Variants in TOP3A observed in about 807,000 individuals in gnomAD.
The protein encoded by TOP3A is DNA topoisomerase 3-alpha.
A neutral mutation model predicts 111.3 loss-of-function variants in TOP3A; 64 were observed. The ratio of observed to expected loss-of-function variants is 0.57; its 90% CI spans 0.47 to 0.71. The LOEUF (loss-of-function observed/expected upper bound fraction) is 0.71, where lower values mean the gene tolerates loss of function less well. TOP3A is among the 30% of genes least tolerant of loss of function. TOP3A has a pLI of 0.00. For missense variants in TOP3A, 1,104 were observed against 1,285.0 expected (o/e 0.86, Z 2.15); for synonymous variants, 484 against 485.1 (o/e 1.00, Z 0.03).
intron 13 of TOP3A, among the ~76,000 whole-genome samples, chr17:18,287,397 G>A (rs1300727687): frequency 6.6e-6 from 1 of 151,912 alleles, no homozygotes; most frequent in Admixed American, 6.6e-5. Flanking sequence ...CCAGTGATGC[G>A]CACCTGTAGT....
intron 4 of TOP3A, among the ~76,000 whole-genome samples, chr17:18,305,493 C>CGCGCGCGT (rs1555572076): frequency 1.4e-4 from 21 of 150,316 alleles, no homozygotes; most frequent in African/African-American, 4.9e-4. Context: ...CACACGCGCG[C>CGCGCGCGT]GCGCGCGCGC....
At position 18,282,779 on chromosome 17, in the gene TOP3A, A is replaced by G. The variant is rs1174960140; in HGVS notation, c.1940T>C (p.Ile647Thr). ...NGTELAQQED[I>T]YPAMPEPIRK... is the part of the protein sequence containing the mutation. ...GATGGGCTCTGGCATGGCTGGGTAGATATCTTCTTGCTGGGCCAACTCTGT... is the reference window on the plus strand; with the variant it reads ...GATGGGCTCTGGCATGGCTGGGTAGGTATCTTCTTGCTGGGCCAACTCTGT... Residue 647 changes from isoleucine (I) to threonine (T), a missense_variant, in exon 16 of 19, where the codon ATC becomes ACC. Coordinates refer to ENST00000321105, the MANE Select transcript of TOP3A (RefSeq NM_004618.5). 4 of 1,614,200 alleles carry G rather than the reference A, an allele frequency of 2.5e-6. No homozygotes were observed. Among genetic ancestry groups the G allele is most frequent in the Non-Finnish European group, 2.5e-6 (3 of 1,180,040 alleles).
At chr17:18,311,425 C>T (rs1041273238) in intron 1 of TOP3A, among the ~76,000 whole-genome samples, 2 of 152,116 alleles carry the variant, frequency 1.3e-5, no homozygotes, top group Admixed American at 6.5e-5. Context: ...TCGTGAGTAG[C>T]TGGGATTACA....
chr17:18,308,130 C>G (rs578025410), intron 3 of TOP3A, among the ~76,000 whole-genome samples: 4 of 136,090 alleles, frequency 2.9e-5, no homozygotes, highest in Non-Finnish European at 6.3e-5. Context: ...GAGAATCACT[C>G]GAACCCAGGA....
At chr17:18,298,914 T>C (rs907723133) in intron 9 of TOP3A, among the ~76,000 whole-genome samples, 1 of 151,682 alleles carries the variant, frequency 6.6e-6, no homozygotes, top group Non-Finnish European at 1.5e-5. Flanking sequence ...ACACAAACAC[T>C]GCGGAAGGCC....
At chr17:18,285,567 C>G in intron 13 of TOP3A, 47 bp from the exon 14 acceptor site, 1 of 1,568,132 alleles carries the variant, frequency 6.4e-7, no homozygotes, top group South Asian at 1.1e-5. Context: ...GACAACAGCT[C>G]CACCCGGGTG....
chr17:18,283,469 G>T (rs764382690), intron 15 of TOP3A, among the ~76,000 whole-genome samples: 3 of 152,010 alleles, frequency 2.0e-5, no homozygotes, highest in Non-Finnish European at 4.4e-5. Context: ...TTCACAACTG[G>T]CATGGGGTAC....
chr17:18,275,451 C>A (rs1254546614), intron 18 of TOP3A, among the ~76,000 whole-genome samples: 2 of 150,828 alleles, frequency 1.3e-5, no homozygotes, highest in African/African-American at 4.9e-5. Flanking sequence ...GCTCCACCTC[C>A]CGGGTTCACG....
At chr17:18,305,533 G>A (rs1981525976) in intron 4 of TOP3A, among the ~76,000 whole-genome samples, 1 of 151,948 alleles carries the variant, frequency 6.6e-6, no homozygotes, top group African/African-American at 2.4e-5. Context: ...TTCTGATTAT[G>A]ACCTAGTTAA....
At chr17:18,308,092 G>C (rs149712210) in intron 3 of TOP3A, among the ~76,000 whole-genome samples, 1 of 146,492 alleles carries the variant, frequency 6.8e-6, no homozygotes, top group East Asian at 2.1e-4. Flanking sequence ...CGTGCCTATA[G>C]TCCCAGCTAC....
intron 9 of TOP3A, among the ~76,000 whole-genome samples, chr17:18,297,252 C>G (rs1006241894): frequency 3.3e-5 from 5 of 152,118 alleles, no homozygotes; most frequent in African/African-American, 1.2e-4. Flanking sequence ...ATGGAGAAAC[C>G]CTGTCTCTAC....
intron 18 of TOP3A, among the ~76,000 whole-genome samples, chr17:18,276,568 A>G (rs546752207): frequency 1.1e-4 from 16 of 152,340 alleles, no homozygotes; most frequent in African/African-American, 3.8e-4. Flanking sequence ...CAGGAACCCT[A>G]TGAATGTAGG....
At position 18,314,723 on chromosome 17, in the gene TOP3A, C is replaced by T; in HGVS notation, c.56G>A (p.Arg19His). The T allele has an allele frequency of 6.3e-7, 1 of 1,596,854 alleles. No homozygotes were observed. The highest frequency in any genetic ancestry group is 1.8e-5 in the Admixed American group (1 of 57,106). Residue 19 changes from arginine (R) to histidine (H), a missense_variant, in exon 1 of 19, where the codon CGT (arginine) becomes CAT (histidine). Coordinates refer to ENST00000321105, the MANE Select transcript of TOP3A (RefSeq NM_004618.5). Reference sequence around the variant, plus strand: ...CTCCATGGCGGCGCGGGAAAAGGCACGGTCTTCGGGCCGTCGCAGCCACCG... The same window carrying T: ...CTCCATGGCGGCGCGGGAAAAGGCATGGTCTTCGGGCCGTCGCAGCCACCG... Reference protein sequence around the residue: ...ALRWLRRPEDRAFSRAAMEMA... With the variant: ...ALRWLRRPEDHAFSRAAMEMA...
chr17:18,277,445 T>G (rs537728206), intron 18 of TOP3A, among the ~76,000 whole-genome samples: 2 of 152,366 alleles, frequency 1.3e-5, no homozygotes, highest in African/African-American at 4.8e-5. Context: ...GTGCCAGGCA[T>G]AGGGCAAGTG....
rs771266613 is a variant in TOP3A, at chr17:18,277,820, G to A, written c.2682C>T (p.Gly894=). The change falls in exon 18 of 19, where the codon GGC becomes GGT. Residue 894 remains glycine, a synonymous_variant. Coordinates refer to ENST00000321105, the MANE Select transcript of TOP3A (RefSeq NM_004618.5). ...AGGGCTGGCTGCAAAGGCAGGATGTGCCACTACCACTGCCATCACCAGGGT... is the reference window on the plus strand; with the variant it reads ...AGGGCTGGCTGCAAAGGCAGGATGTACCACTACCACTGCCATCACCAGGGT... ...FGNPGDGSGS[G]TSCLCSQPSV... 9 of 1,614,002 alleles carry A rather than the reference G, an allele frequency of 5.6e-6. No homozygotes were observed. In the African/African-American group the frequency reaches 1.2e-4, roughly 22 times the overall value.
intron 18 of TOP3A, among the ~76,000 whole-genome samples, chr17:18,276,771 T>C (rs1979396952): frequency 6.6e-6 from 1 of 152,218 alleles, no homozygotes; most frequent in African/African-American, 2.4e-5. Flanking sequence ...ACGTACACCA[T>C]TCAACTTGAT....
Position 18,278,185 on chromosome 17 carries a change from T to C in TOP3A, c.2317A>G (p.Asn773Asp), listed in dbSNP as rs9911283. The C allele has an allele frequency of 5.6e-4, 908 of 1,612,600 alleles. 8 individuals are homozygous for C. In the African/African-American group the frequency reaches 0.011, roughly 20 times the overall value. ...SGRLQANQSLNRMDNSQHPQP... is the reference protein window; with the variant it reads ...SGRLQANQSLDRMDNSQHPQP... The stretch of plus-strand genomic sequence containing the variant: ...GGGTGCTGGCTGTTGTCCATCCTGT[T>C]CAGGGACTGGTTAGCCTGCAGGCGG... Residue 773 changes from asparagine to aspartate, a missense_variant, in exon 18 of 19, where the codon AAC becomes GAC. Coordinates refer to ENST00000321105, the MANE Select transcript of TOP3A (RefSeq NM_004618.5).
rs766890387 is a variant in TOP3A at position 18,290,867 on chromosome 17, T to A, written c.1442A>T (p.Tyr481Phe). The change falls in exon 12 of 19, where the codon TAT becomes TTT. Residue 481 changes from tyrosine (Y) to phenylalanine (F), a missense_variant. By Grantham distance (22) the Tyr-to-Phe change is conservative (BLOSUM62 3). Transcript: ENST00000321105. ...CTTGTCACTCCAGTGATCATATGGATACACATCCAGATAGTTTCGGGCCAG... is the reference window on the plus strand; with the variant it reads ...CTTGTCACTCCAGTGATCATATGGAAACACATCCAGATAGTTTCGGGCCAG... ...MILARNYLDVYPYDHWSDKIL... is the reference protein window; with the variant it reads ...MILARNYLDVFPYDHWSDKIL... 6.2e-7 allele frequency: 1 copy of A among 1,614,200 alleles called. No homozygotes were observed. Among genetic ancestry groups the A allele is most frequent in the Non-Finnish European group, 8.5e-7 (1 of 1,180,042 alleles).
In TOP3A at chr17:18,314,838, G is replaced by GTT; in HGVS notation, c.-61_-60insAA. Reference sequence around the variant, plus strand: ...GCCGGCGCATCCTGGGGAAGCCAGAGATGAGGCTCAAATGGCGCCCACCGA... The same window carrying GTT: ...GCCGGCGCATCCTGGGGAAGCCAGAGTTATGAGGCTCAAATGGCGCCCACCGA... On this transcript the variant is annotated 5_prime_UTR_variant, in exon 1 of 19. Coordinates refer to ENST00000321105, the MANE Select transcript of TOP3A (RefSeq NM_004618.5). 1 of 1,395,092 alleles carries GTT rather than the reference G, an allele frequency of 7.2e-7. No individual in the cohort carries two copies. The highest frequency in any genetic ancestry group is 9.4e-7 in the Non-Finnish European group (1 of 1,067,414). The allele number at this position is 1,395,092 out of a possible 1,614,324, so 86.4% of individuals were successfully genotyped here.
Sources: gnomAD v4.1 joint callset for allele counts (sites outside exome capture counted in the v4.1 genomes callset) on GRCh38, gnomAD v4.1.1 for gene constraint, MANE v1.5 for transcripts, NCBI Gene and HGNC (gene_info 2026-07-23, HGNC 2026-07-21) for gene names.